The following GPAT3 variants were observed in gnomAD, a reference collection of about 807,000 sequenced individuals.
The protein encoded by GPAT3 is glycerol-3-phosphate acyltransferase 3.
In GPAT3, 53 loss-of-function variants were observed where a neutral mutation model predicts 58.8. The ratio of observed to expected loss-of-function variants is 0.90; its 90% CI spans 0.72 to 1.13. The LOEUF (loss-of-function observed/expected upper bound fraction) is 1.13. Ranked by LOEUF, GPAT3 falls within the 50% of genes most tolerant of loss-of-function variation. The probability of loss-of-function intolerance (pLI) is 0.00; values close to 1 mark genes in which losing one functional copy is unlikely to be tolerated. For synonymous variants in GPAT3, 197 were observed against 187.4 expected, an observed-to-expected ratio of 1.05 and a Z score of -0.42; for missense variants, 511 against 527.6, an observed-to-expected ratio of 0.97 and a Z score of 0.31.
At chr4:83,600,953 T>C (rs1727033873) in intron 11 of GPAT3, among the ~76,000 whole-genome samples, 1 of 152,166 alleles carries the variant, frequency 6.6e-6, no homozygotes, top group African/African-American at 2.4e-5. Context: ...TTTCAGACAA[T>C]TGTAGCAATG....
chr4:83,539,583 T>C (rs1445451347), intron 1 of GPAT3, among the ~76,000 whole-genome samples: 1 of 152,212 alleles, frequency 6.6e-6, no homozygotes, highest in East Asian at 1.9e-4. Flanking sequence ...CTGAACTTTA[T>C]GCTCTTCTCT....
At chr4:83,543,808 T>G (rs1440578825) in intron 1 of GPAT3, among the ~76,000 whole-genome samples, 1 of 152,098 alleles carries the variant, frequency 6.6e-6, no homozygotes, top group African/African-American at 2.4e-5. Context: ...GCCTGGCTAA[T>G]TTTTGTATTT....
intron 5 of GPAT3, 103 bp downstream of exon 5, chr4:83,588,402 G>A (rs1432654004): frequency 2.3e-5 from 25 of 1,072,542 alleles, no homozygotes; most frequent in South Asian, 5.4e-5. Context: ...TGGAGTCAGA[G>A]TGCTTCCAAT....
At chr4:83,579,066 CTTTCTTTCTTTCTTCCCTTCCTT>C (rs1725985433) in intron 2 of GPAT3, among the ~76,000 whole-genome samples, 2 of 38,486 alleles carry the variant, frequency 5.2e-5, no homozygotes, top group African/African-American at 1.9e-4. Context: ...TTCTTTCTTT[CTTTCTTTCTTTCTTCCCTTCCTT>C]CCTTCCTTCC....
chr4:83,588,383 A>G (rs1429993677), intron 5 of GPAT3, 84 bp downstream of exon 5: 1 of 1,343,800 alleles, frequency 7.4e-7, no homozygotes, highest in African/African-American at 1.4e-5. Flanking sequence ...GTGGTTGGGA[A>G]GAAGTGGGTG....
upstream of GPAT3, chr4:83,536,048 C>T (rs1264354448): frequency 3.0e-6 from 3 of 985,386 alleles, no homozygotes; most frequent in African/African-American, 3.5e-5. Context: ...CGTTGGGTGA[C>T]GGAGGAGGTG....
chr4:83,562,225 A>ATATT (rs1185063026), intron 2 of GPAT3, among the ~76,000 whole-genome samples: 21 of 61,392 alleles, frequency 3.4e-4, no homozygotes, highest in African/African-American at 1.6e-3. Flanking sequence ...ATATATATAT[A>ATATT]ATATATATAT....
At chr4:83,587,360 T>C in intron 4 of GPAT3, 31 bp downstream of exon 4, 1 of 1,564,744 alleles carries the variant, frequency 6.4e-7, no homozygotes. Flanking sequence ...CAGCCATATA[T>C]AGGACTGTCT....
chr4:83,599,229 A>G (rs1441017640), intron 11 of GPAT3, among the ~76,000 whole-genome samples: 1 of 152,230 alleles, frequency 6.6e-6, no homozygotes, highest in South Asian at 2.1e-4. Context: ...AAACATAACC[A>G]GTGAAGGCTG....
chr4:83,570,969 G>C lies in GPAT3; in HGVS notation c.209-10593G>C, dbSNP rs966429932. ...TCTCTTAAGCCCCTGCTCAGTATCT[G>C]CCCTTCATCTCTCAGTCCCAGTGGT... On this transcript the variant is annotated intron_variant, in intron 2 of 11. Transcript: ENST00000264409. 1.1e-4 allele frequency among the ~76,000 whole-genome samples: 16 copies of C among 152,246 alleles called. 1 individual carries two copies. The highest frequency in any genetic ancestry group is 8.5e-4 in the Admixed American group (13 of 15,288).
chr4:83,578,948 T>TTC, intron 2 of GPAT3, among the ~76,000 whole-genome samples: 1 of 71,878 alleles, frequency 1.4e-5, no homozygotes, highest in African/African-American at 5.6e-5. Flanking sequence ...TTTTCTTTTC[T>TTC]TTTCTTTCTT....
chr4:83,586,193 T>C (rs12501550), intron 3 of GPAT3, among the ~76,000 whole-genome samples: 1 of 152,212 alleles, frequency 6.6e-6, no homozygotes, highest in Admixed American at 6.5e-5. Flanking sequence ...CATCATCTAA[T>C]GTGAAACCTG....
chr4:83,537,625 G>GTGTGTGTGTGTGTGTGTATA (rs138199995), intron 1 of GPAT3, among the ~76,000 whole-genome samples: 1 of 147,582 alleles, frequency 6.8e-6, no homozygotes, highest in African/African-American at 2.6e-5. Context: ...GTGTGTGTGT[G>GTGTGTGTGTGTGTGTGTATA]TATATTTAAC....
intron 2 of GPAT3, among the ~76,000 whole-genome samples, chr4:83,579,032 TTCTTTC>T (rs1725963364): frequency 4.5e-5 from 1 of 22,344 alleles, no homozygotes; most frequent in Non-Finnish European, 8.8e-5. Context: ...CTTTCTTTCT[TTCTTTC>T]TTTCTTTCTT....
At chr4:83,551,813 AATCT>A (rs3083939) in intron 2 of GPAT3, among the ~76,000 whole-genome samples, 51 of 102,410 alleles carry the variant, frequency 5.0e-4, no homozygotes, top group South Asian at 1.8e-3. Flanking sequence ...AAAAAAAAAA[AATCT>A]ATCTATCTAT....
At chr4:83,602,616 G>T (rs1445925269) in intron 11 of GPAT3, among the ~76,000 whole-genome samples, 1 of 152,132 alleles carries the variant, frequency 6.6e-6, no homozygotes. Flanking sequence ...AAGTCTCTAA[G>T]GGGTGGCAAA....
chr4:83,558,319 T>TA (rs971294267), intron 2 of GPAT3, among the ~76,000 whole-genome samples: 6 of 151,996 alleles, frequency 3.9e-5, no homozygotes, highest in Non-Finnish European at 8.8e-5. Flanking sequence ...AAAATGGGAT[T>TA]AAAAAAACTG....
chr4:83,599,496 T>G (rs539921850), intron 11 of GPAT3, among the ~76,000 whole-genome samples: 1 of 152,324 alleles, frequency 6.6e-6, no homozygotes, highest in Non-Finnish European at 1.5e-5. Context: ...TTGTTCTGGG[T>G]GGCTATATGC....
chr4:83,581,116 A>T lies in GPAT3; in HGVS notation c.209-446A>T, dbSNP rs921460380. Among the ~76,000 whole-genome samples the T allele has an allele frequency of 7.9e-4, 120 of 151,302 alleles. 1 individual carries two copies. Among genetic ancestry groups the T allele is most frequent in the Non-Finnish European group, 8.6e-4 (58 of 67,738 alleles). ...GTCTCAAAAAAAAAAAAAAAAAAAA[A>T]AAAAATCAACTTTTTGCCATTTATG... On this transcript the variant is annotated intron_variant, in intron 2 of 11. Transcript: ENST00000264409.
Sources: gnomAD v4.1 joint callset for allele counts (sites outside exome capture counted in the v4.1 genomes callset) on GRCh38, gnomAD v4.1.1 for gene constraint, MANE v1.5 for transcripts, NCBI Gene and HGNC (gene_info 2026-07-23, HGNC 2026-07-21) for gene names.